The following SMIM14 variants were observed in gnomAD, a reference collection of about 807,000 sequenced individuals.
SMIM14 encodes small integral membrane protein 14, also known as chromosome 4 open reading frame 34.
In SMIM14, 5 loss-of-function variants were observed where a neutral mutation model predicts 12.6. The ratio of observed to expected loss-of-function variants is 0.40; its 90% CI spans 0.21 to 0.83. The LOEUF (loss-of-function observed/expected upper bound fraction) is 0.83. SMIM14 is among the 40% of genes least tolerant of loss of function. The probability of loss-of-function intolerance (pLI) is 0.37; values close to 1 mark genes in which losing one functional copy is unlikely to be tolerated. For missense variants in SMIM14, 86 were observed against 119.1 expected (o/e 0.72, Z 1.29); for synonymous variants, 30 against 40.1 (o/e 0.75, Z 0.95).
chr4:39,563,914 CTCTTCT>C (rs377240775), intron 3 of SMIM14, among the ~76,000 whole-genome samples: 3 of 151,332 alleles, frequency 2.0e-5, no homozygotes, highest in East Asian at 1.9e-4. Flanking sequence ...CCTTCTCTTC[CTCTTCT>C]TCTTCTTCTT....
intron 2 of SMIM14, among the ~76,000 whole-genome samples, chr4:39,575,083 T>TG (rs1713100955): frequency 1.3e-5 from 2 of 148,956 alleles, no homozygotes. Context: ...AAAATAGTTT[T>TG]TTTTTTTTTT....
intron 4 of SMIM14, 89 bp from the exon 5 acceptor site, chr4:39,552,247 T>C (rs1257453501): frequency 1.7e-6 from 2 of 1,179,764 alleles, no homozygotes; most frequent in Admixed American, 2.6e-5. Flanking sequence ...AATTGACTTA[T>C]TAAATCCCAG....
chr4:39,635,721 C>T (rs935965936), intron 1 of SMIM14, among the ~76,000 whole-genome samples: 2 of 152,156 alleles, frequency 1.3e-5, no homozygotes, highest in Admixed American at 1.3e-4. Flanking sequence ...GAGGCTCAAA[C>T]TCAAAATAGG....
intron 3 of SMIM14, among the ~76,000 whole-genome samples, chr4:39,566,251 T>C (rs1007492545): frequency 6.6e-6 from 1 of 151,542 alleles, no homozygotes; most frequent in African/African-American, 2.4e-5. Flanking sequence ...AAGCCAAGGA[T>C]GAGTCTCAGA....
chr4:39,573,720 T>A (rs561256253), intron 2 of SMIM14, among the ~76,000 whole-genome samples: 10 of 152,134 alleles, frequency 6.6e-5, no homozygotes, highest in Non-Finnish European at 1.3e-4. Context: ...AACCAGATTC[T>A]ATTTGTAGAA....
At chr4:39,614,381 G>A (rs1403203657) in intron 1 of SMIM14, among the ~76,000 whole-genome samples, 1 of 151,356 alleles carries the variant, frequency 6.6e-6, no homozygotes, top group Non-Finnish European at 1.5e-5. Flanking sequence ...GAGTGCAGTG[G>A]CACAATCTCG....
chr4:39,564,717 G>A (rs2109995816), intron 3 of SMIM14, among the ~76,000 whole-genome samples: 1 of 152,256 alleles, frequency 6.6e-6, no homozygotes, highest in African/African-American at 2.4e-5. Flanking sequence ...GGGGGCTAAG[G>A]GAAGCCTCAC....
chr4:39,629,463 T>C (rs1434274004), intron 1 of SMIM14, among the ~76,000 whole-genome samples: 1 of 150,560 alleles, frequency 6.6e-6, no homozygotes, highest in Non-Finnish European at 1.5e-5. Flanking sequence ...TTTTTTTTTT[T>C]GGAGACAGGG....
At position 39,596,491 on chromosome 4, in the gene SMIM14, T is replaced by A. The variant is rs1295590163; in HGVS notation, c.75+8580A>T. Among the ~76,000 whole-genome samples, 7 of 152,310 alleles carry A rather than the reference T, an allele frequency of 4.6e-5. No individual in the cohort carries two copies. The East Asian group carries it at 1.3e-3, about 29-fold the overall frequency. On this transcript the variant is annotated intron_variant, in intron 2 of 4. Transcript: ENST00000295958. ...AAAACTAAATGGTCAGGACTGAACA[T>A]GTCTCTGCCACTCTCTGGTCAGTTC...
intron 2 of SMIM14, among the ~76,000 whole-genome samples, chr4:39,581,934 C>T (rs1308910595): frequency 1.3e-5 from 2 of 149,970 alleles, no homozygotes; most frequent in African/African-American, 4.9e-5. Context: ...TGCAATGGCA[C>T]GATCTCTGCT....
Position 39,576,666 on chromosome 4 carries a change from A to G in SMIM14, c.76-4203T>C, listed in dbSNP as rs1560289657. Among the ~76,000 whole-genome samples the G allele has an allele frequency of 4.2e-3, 71 of 16,814 alleles. 3 individuals carry two copies. The South Asian group carries it at 0.076, about 18-fold the overall frequency. The allele number at this position is 16,814 out of a possible 152,430, so 11.0% of individuals were successfully genotyped here. On this transcript the variant is annotated intron_variant, in intron 2 of 4. Transcript: ENST00000295958. ...CCTATGTGTGTGTGTATGTGTATATATATATATATATATATATATTTTTTT... is the reference window on the plus strand; with the variant it reads ...CCTATGTGTGTGTGTATGTGTATATGTATATATATATATATATATTTTTTT...
intron 1 of SMIM14, among the ~76,000 whole-genome samples, chr4:39,631,616 G>A (rs562541238): frequency 6.9e-4 from 104 of 151,080 alleles, no homozygotes; most frequent in African/African-American, 2.3e-3. Flanking sequence ...CCGACATTGC[G>A]CCACTGCACT....
chr4:39,633,362 A>C (rs548592819), intron 1 of SMIM14, among the ~76,000 whole-genome samples: 1 of 152,302 alleles, frequency 6.6e-6, no homozygotes, highest in South Asian at 2.1e-4. Flanking sequence ...GTAATTATTC[A>C]GTTTTTAGGT....
rs372419357 is a variant in SMIM14, at chr4:39,575,079, G to GTTTT, written c.76-2620_76-2617dup. Among the ~76,000 whole-genome samples, 24 of 125,410 alleles carry GTTTT rather than the reference G, an allele frequency of 1.9e-4. 1 individual carries two copies. Among genetic ancestry groups the GTTTT allele is most frequent in the East Asian group, 4.8e-4 (2 of 4,192 alleles). 82.3% of individuals were successfully genotyped at this position (125,410 alleles called of 152,430 possible). A position where few individuals can be genotyped will look rare whatever the true frequency, so the allele number is the denominator to read the frequency against. On this transcript the variant is annotated intron_variant, in intron 2 of 4. Coordinates refer to ENST00000295958, the MANE Select transcript of SMIM14 (RefSeq NM_174921.3). ...TTGTTTTAATAAGAACGAGAAAATAGTTTTTTTTTTTTTTTTTTTTGAGAC... is the reference window on the plus strand; with the variant it reads ...TTGTTTTAATAAGAACGAGAAAATAGTTTTTTTTTTTTTTTTTTTTTTTTGAGAC...
rs141277493 is a variant in SMIM14, at chr4:39,598,539, C to A, written c.75+6532G>T. Among the ~76,000 whole-genome samples, 388 of 151,982 alleles carry A rather than the reference C, an allele frequency of 2.6e-3. 1 individual carries two copies. The highest frequency in any genetic ancestry group is 9.0e-3 in the African/African-American group (374 of 41,506). ...TGAAGATCTGCTTCTCCTCCCTGAC[C>A]CCGTGTATACTCTTTCCATCCCCTA... On this transcript the variant is annotated intron_variant, in intron 2 of 4. Coordinates refer to ENST00000295958, the MANE Select transcript of SMIM14 (RefSeq NM_174921.3).
At chr4:39,601,359 C>G (rs1714605711) in intron 2 of SMIM14, among the ~76,000 whole-genome samples, 2 of 151,964 alleles carry the variant, frequency 1.3e-5, no homozygotes, top group Admixed American at 1.3e-4. Flanking sequence ...ACAAAAAAAC[C>G]CAAAAATTCA....
At chr4:39,625,760 A>C (rs1715674226) in intron 1 of SMIM14, among the ~76,000 whole-genome samples, 1 of 152,224 alleles carries the variant, frequency 6.6e-6, no homozygotes, top group Non-Finnish European at 1.5e-5. Context: ...ATTTTACAAG[A>C]AAGTGAAAGC....
At chr4:39,631,064 C>G (rs1428610907) in intron 1 of SMIM14, among the ~76,000 whole-genome samples, 1 of 151,928 alleles carries the variant, frequency 6.6e-6, no homozygotes, top group African/African-American at 2.4e-5. Context: ...TTTGCCAGGG[C>G]ATGGTAGCTG....
intron 1 of SMIM14, among the ~76,000 whole-genome samples, chr4:39,637,886 T>C (rs1023636853): frequency 6.6e-6 from 1 of 152,232 alleles, no homozygotes; most frequent in Non-Finnish European, 1.5e-5. Context: ...GGAAGGTCTC[T>C]TCTGCAAATG....
Sources: gnomAD v4.1 joint callset for allele counts (sites outside exome capture counted in the v4.1 genomes callset) on GRCh38, gnomAD v4.1.1 for gene constraint, MANE v1.5 for transcripts, NCBI Gene and HGNC (gene_info 2026-07-23, HGNC 2026-07-21) for gene names.